Variants in EIF4A1 observed in about 807,000 individuals in gnomAD.
EIF4A1 encodes the protein eukaryotic initiation factor 4A-I.
Under a neutral mutation model 53.5 loss-of-function variants are expected in EIF4A1, and 11 were observed. The observed-to-expected ratio is 0.21, with a 90% CI of 0.13 to 0.34. The LOEUF (loss-of-function observed/expected upper bound fraction) is 0.34. Ranked by LOEUF, EIF4A1 falls within the 10% of genes least tolerant of loss-of-function variation. The pLI is 1.00. For synonymous variants in EIF4A1, 237 were observed against 186.7 expected (o/e 1.27, Z -2.20); for missense variants, 213 against 530.8 (o/e 0.40, Z 5.88).
rs551552035 is a variant in EIF4A1 at position 7,577,924 on chromosome 17, G to A, written c.996+8G>A. 13 of 1,614,206 alleles carry A rather than the reference G, an allele frequency of 8.1e-6. No individual in the cohort carries two copies. In the African/African-American group the frequency reaches 1.3e-4, roughly 17 times the overall value. On this transcript the variant is annotated splice_region_variant and intron_variant, in intron 9 of 10. Coordinates refer to ENST00000293831, the MANE Select transcript of EIF4A1 (RefSeq NM_001416.4). This position sits in a 1 kb window ranked among gnomAD's most constrained non-coding sequence, Gnocchi z 4.7. ...ATTACCACTGACCTGCTGGTGAGTAGAGGGAACTGATAGCAAAGGCAGAAG... is the reference window on the plus strand; with the variant it reads ...ATTACCACTGACCTGCTGGTGAGTAAAGGGAACTGATAGCAAAGGCAGAAG...
rs1252771870 is a variant in EIF4A1, at chr17:7,578,146, G to A, written c.997-19G>A. Reference sequence around the variant, plus strand: ...GTGTCCTCCGTGCACATGCTGAAGAGTTGTCTTTCTTGACGTAGGCCAGAG... The same window carrying A: ...GTGTCCTCCGTGCACATGCTGAAGAATTGTCTTTCTTGACGTAGGCCAGAG... On this transcript the variant is annotated intron_variant, in intron 9 of 10. Transcript: ENST00000293831. 2 of 1,614,206 alleles carry A rather than the reference G, an allele frequency of 1.2e-6. No homozygotes were observed. Among genetic ancestry groups the A allele is most frequent in the South Asian group, 1.1e-5 (1 of 91,084 alleles).
chr17:7,576,162 TG>T (rs1216768298), intron 4 of EIF4A1: 2 of 164,542 alleles, frequency 1.2e-5, no homozygotes, highest in Admixed American at 1.2e-4. Context: ...AGCAAAGCTC[TG>T]TCTCAAAAAA....
In EIF4A1 at chr17:7,577,404, A is replaced by AG; in HGVS notation, c.688dup (p.Asp230GlyfsTer36). 2 of 1,614,138 alleles carry AG rather than the reference A, an allele frequency of 1.2e-6. No homozygotes were observed. The highest frequency in any genetic ancestry group is 1.7e-6 in the Non-Finnish European group (2 of 1,180,034). On this transcript the variant is annotated frameshift_variant, in exon 7 of 11. Coordinates refer to ENST00000293831, the MANE Select transcript of EIF4A1 (RefSeq NM_001416.4). LOFTEE classifies it high-confidence loss of function. The surrounding 1 kb of genome is among the most constrained non-coding windows in gnomAD (Gnocchi z 4.7). ...GCTTGAGGTGACCAAGAAGTTCATG[A>AG]GGGACCCCATTCGGATTCTTGTCAA...
At chr17:7,575,682 A>T (rs2071390959) in intron 4 of EIF4A1, 1 of 310,808 alleles carries the variant, frequency 3.2e-6, no homozygotes, top group African/African-American at 2.2e-5. Context: ...ATGCTGCAAC[A>T]CTGATGTCAG....
At chr17:7,576,832 G>T (rs200300377) in intron 5 of EIF4A1, 140 bp downstream of exon 5, 1 of 1,474,302 alleles carries the variant, frequency 6.8e-7, no homozygotes, top group South Asian at 1.2e-5. Context: ...GAGCCCATGC[G>T]TGTCATCTGA....
At position 7,577,771 on chromosome 17, in the gene EIF4A1, G is replaced by A. The variant is rs1476571467; in HGVS notation, c.907-56G>A. On this transcript the variant is annotated intron_variant, in intron 8 of 10. Coordinates refer to ENST00000293831, the MANE Select transcript of EIF4A1 (RefSeq NM_001416.4). This position sits in a 1 kb window ranked among gnomAD's most constrained non-coding sequence, Gnocchi z 4.7. ...TCAGAAGTGTCCTACTTGAAGCCAG[G>A]GTTCCTGGAACCCAGGTGCCTACCT... The A allele has an allele frequency of 1.2e-6, 2 of 1,613,982 alleles. No homozygotes were observed. Among genetic ancestry groups the A allele is most frequent in the Non-Finnish European group, 1.7e-6 (2 of 1,180,020 alleles).
chr17:7,578,716 A>AT lies in EIF4A1; in HGVS notation c.*230_*231insT. On this transcript the variant is annotated 3_prime_UTR_variant, in exon 11 of 11. Transcript: ENST00000293831. ...CTCTTCTCCCAAAAAAAAAAAAAAA[A>AT]CACTAATCCATTTCCCTAACCTAGT... is the stretch of plus-strand genomic sequence containing the variant. 2.6e-6 allele frequency: 1 copy of AT among 384,960 alleles called. No homozygotes were observed. Among genetic ancestry groups the AT allele is most frequent in the Non-Finnish European group, 4.5e-6 (1 of 219,988 alleles). 23.8% of individuals were successfully genotyped at this position (384,960 alleles called of 1,614,324 possible).
intron 1 of EIF4A1, 145 bp downstream of exon 1, chr17:7,573,009 G>A: frequency 6.8e-7 from 1 of 1,472,608 alleles, no homozygotes; most frequent in Non-Finnish European, 9.5e-7. Flanking sequence ...AGGGGCGAGG[G>A]GGAAGACCCA....
chr17:7,574,272 T>C lies in EIF4A1; in HGVS notation c.36T>C (p.Asn12=), dbSNP rs1032667589. The C allele has an allele frequency of 3.1e-6, 5 of 1,614,116 alleles. No individual in the cohort carries two copies. The highest frequency in any genetic ancestry group is 4.2e-6 in the Non-Finnish European group (5 of 1,180,016). ...SASQDSRSRD[N]GPDGMEPEGV... The stretch of plus-strand genomic sequence containing the variant: ...TTTAAACCAACAGATCCAGAGACAA[T>C]GGCCCCGATGGGATGGAGCCCGAAG... Residue 12 remains asparagine (N), a synonymous_variant, in exon 2 of 11, where the codon AAT becomes AAC. Coordinates refer to ENST00000293831, the MANE Select transcript of EIF4A1 (RefSeq NM_001416.4).
chr17:7,578,664 G>A lies in EIF4A1; in HGVS notation c.*178G>A, dbSNP rs2071435958. The A allele has an allele frequency of 1.5e-6, 1 of 680,274 alleles. No individual in the cohort carries two copies. Among genetic ancestry groups the A allele is most frequent in the Non-Finnish European group, 2.2e-6 (1 of 464,464 alleles). The allele number at this position is 680,274 out of a possible 1,614,324, so 42.1% of individuals were successfully genotyped here. A position where few individuals can be genotyped will look rare whatever the true frequency, so the allele number is the denominator to read the frequency against. On this transcript the variant is annotated 3_prime_UTR_variant, in exon 11 of 11. Transcript: ENST00000293831. ...GAACATTTTAGACACCCTTTTCTTT[G>A]GGGTAGGCTCTTGCCCCAGGCGCCG...
chr17:7,577,347 G>C lies in EIF4A1; in HGVS notation c.628G>C (p.Val210Leu). The change falls in exon 7 of 11, where the codon GTT becomes CTT. Residue 210 changes from valine to leucine, a missense_variant. By Grantham distance (32) the Val-to-Leu change is conservative. Transcript: ENST00000293831. This position sits in a 1 kb window ranked among gnomAD's most constrained non-coding sequence, Gnocchi z 4.7. ...FQKLNSNTQV[V>L]LLSATMPSDV... ...GACTGGCCTTTTTTTCCACTAGGTA[G>C]TTTTGCTGTCAGCCACAATGCCTTC... 6.2e-7 allele frequency: 1 copy of C among 1,614,004 alleles called. No individual in the cohort carries two copies. The highest frequency in any genetic ancestry group is 8.5e-7 in the Non-Finnish European group (1 of 1,180,002).
At chr17:7,574,113 T>G in intron 1 of EIF4A1, 147 bp from the exon 2 acceptor site, 14 of 855,838 alleles carry the variant, frequency 1.6e-5, no homozygotes, top group Non-Finnish European at 2.2e-5. Context: ...AACTCCTCCT[T>G]TGGGTATTTT....
chr17:7,573,980 C>A (rs1050114353), intron 1 of EIF4A1: 33 of 489,438 alleles, frequency 6.7e-5, no homozygotes, highest in African/African-American at 6.1e-4. Flanking sequence ...AGCACCACCT[C>A]TGGGCACCGT....
At chr17:7,575,298 G>C (rs1386965311) in intron 4 of EIF4A1, 40 bp downstream of exon 4, 2 of 1,612,204 alleles carry the variant, frequency 1.2e-6, no homozygotes, top group East Asian at 4.5e-5. Flanking sequence ...GGCTGATTTA[G>C]GGATGATGAG....
chr17:7,572,939 T>C, intron 1 of EIF4A1, 75 bp downstream of exon 1: 1 of 1,612,496 alleles, frequency 6.2e-7, no homozygotes, highest in Non-Finnish European at 8.5e-7. Flanking sequence ...CGGGGGTAGC[T>C]GAGAGGCCCA....
intron 4 of EIF4A1, 88 bp from the exon 5 acceptor site, chr17:7,576,436 G>C: frequency 1.4e-6 from 2 of 1,468,166 alleles, no homozygotes; most frequent in Non-Finnish European, 1.8e-6. Flanking sequence ...CAAAGTTGTT[G>C]GTTAGGAATC....
chr17:7,576,328 A>C, intron 4 of EIF4A1, 196 bp from the exon 5 acceptor site: 1 of 576,704 alleles, frequency 1.7e-6, no homozygotes, highest in Non-Finnish European at 2.8e-6. Context: ...ACTGAGTTGA[A>C]ATCCTGTCTT....
At chr17:7,576,966 C>T (rs1567734871) in intron 5 of EIF4A1, 90 bp from the exon 6 acceptor site, 1 of 1,482,302 alleles carries the variant, frequency 6.7e-7, no homozygotes, top group Non-Finnish European at 9.4e-7. Context: ...CTACTTGGCT[C>T]CTCTCTGTTT....
chr17:7,576,893 G>T, intron 5 of EIF4A1, 163 bp from the exon 6 acceptor site: 1 of 1,321,612 alleles, frequency 7.6e-7, no homozygotes. Flanking sequence ...ACTTCCCAGG[G>T]CTGTTGTCTG....
Sources: gnomAD v4.1 joint callset for allele counts on GRCh38, gnomAD v4.1.1 for gene constraint, Gnocchi (gnomAD v3.1) non-coding constraint, MANE v1.5 for transcripts, NCBI Gene and HGNC (gene_info 2026-07-23, HGNC 2026-07-21) for gene names.